The following DNAI1 variants were observed in gnomAD, a reference collection of about 807,000 sequenced individuals.
DNAI1 encodes the protein dynein, axonemal, intermediate polypeptide 1.
DNAI1 carries 67 observed loss-of-function variants against 92.0 expected under a neutral mutation model. The observed-to-expected ratio is 0.73, with a 90% CI of 0.60 to 0.89. The LOEUF is 0.89. Ranked by LOEUF, DNAI1 falls within the 40% of genes least tolerant of loss-of-function variation. The probability of loss-of-function intolerance (pLI) is 0.00; values close to 1 mark genes in which losing one functional copy is unlikely to be tolerated. For missense variants in DNAI1, 839 were observed against 866.6 expected (o/e 0.97, Z 0.40); for synonymous variants, 323 against 319.6 (o/e 1.01, Z -0.11).
At chr9:34,519,934 T>C (rs1371375993) in intron 19 of DNAI1, among the ~76,000 whole-genome samples, 1 of 152,134 alleles carries the variant, frequency 6.6e-6, no homozygotes, top group Admixed American at 6.5e-5. Flanking sequence ...GACCTGTGGG[T>C]GACACACACT....
chr9:34,506,260 G>A (rs774312703), intron 12 of DNAI1, among the ~76,000 whole-genome samples: 1 of 152,168 alleles, frequency 6.6e-6, no homozygotes, highest in Non-Finnish European at 1.5e-5. Context: ...ATGGAAAGCT[G>A]CCTGCCCTTG....
chr9:34,482,944 C>T (rs1013653028), intron 1 of DNAI1, among the ~76,000 whole-genome samples: 1 of 152,230 alleles, frequency 6.6e-6, no homozygotes, highest in Admixed American at 6.5e-5. Flanking sequence ...AGAAATCGAG[C>T]GCAGTGCTGG....
intron 13 of DNAI1, 129 bp downstream of exon 13, chr9:34,507,003 C>T (rs955999218): frequency 1.4e-6 from 2 of 1,399,834 alleles, no homozygotes; most frequent in Non-Finnish European, 1.9e-6. Flanking sequence ...ACCATCAGGT[C>T]AGGATCTGGG....
At chr9:34,484,208 C>G (rs1824428840) in intron 2 of DNAI1, among the ~76,000 whole-genome samples, 1 of 152,100 alleles carries the variant, frequency 6.6e-6, no homozygotes, top group Non-Finnish European at 1.5e-5. Context: ...GAGAAAGACT[C>G]CATCTCAAAT....
At chr9:34,518,121 G>T (rs984828098) in intron 19 of DNAI1, among the ~76,000 whole-genome samples, 1 of 152,204 alleles carries the variant, frequency 6.6e-6, no homozygotes, top group African/African-American at 2.4e-5. Context: ...CCGGGCCTTG[G>T]AATCCTGAGC....
At chr9:34,489,150 T>C (rs1335958456) in intron 4 of DNAI1, 173 bp from the exon 5 acceptor site, 1 of 717,306 alleles carries the variant, frequency 1.4e-6, no homozygotes, top group Non-Finnish European at 2.4e-6. Flanking sequence ...TTCTCTTCCT[T>C]TTCTTCTTTA....
intron 12 of DNAI1, among the ~76,000 whole-genome samples, chr9:34,506,285 C>A (rs1265874396): frequency 2.0e-5 from 3 of 152,180 alleles, no homozygotes; most frequent in Non-Finnish European, 2.9e-5. Context: ...GGCATCCAAA[C>A]CCCCTCTGAG....
chr9:34,495,708 G>A (rs1824708179), intron 9 of DNAI1, among the ~76,000 whole-genome samples: 1 of 152,310 alleles, frequency 6.6e-6, no homozygotes, highest in Admixed American at 6.5e-5. Flanking sequence ...AGAGGACAGA[G>A]TTGGGCCCAT....
In DNAI1 at chr9:34,520,970, C is replaced by T; in HGVS notation, c.*214C>T. 4.8e-6 allele frequency: 3 copies of T among 621,462 alleles called. No homozygotes were observed. The highest frequency in any genetic ancestry group is 8.7e-6 in the Non-Finnish European group (3 of 346,730). The allele number at this position is 621,462 out of a possible 1,614,324, so 38.5% of individuals were successfully genotyped here. On this transcript the variant is annotated 3_prime_UTR_variant, in exon 20 of 20. Coordinates refer to ENST00000242317, the MANE Select transcript of DNAI1 (RefSeq NM_012144.4). Reference sequence around the variant, plus strand: ...CCCCTCTAACTTTGCACAAATAAACCTGTGTAGAAACCCACCCCACACCTT... The same window carrying T: ...CCCCTCTAACTTTGCACAAATAAACTTGTGTAGAAACCCACCCCACACCTT...
intron 13 of DNAI1, among the ~76,000 whole-genome samples, chr9:34,511,478 G>A (rs919339936): frequency 2.6e-5 from 4 of 152,142 alleles, no homozygotes; most frequent in Admixed American, 6.5e-5. Flanking sequence ...GCCTGGAAGA[G>A]GTGGGCAGGA....
At chr9:34,518,444 G>C (rs558452319) in intron 19 of DNAI1, among the ~76,000 whole-genome samples, 1 of 152,296 alleles carries the variant, frequency 6.6e-6, no homozygotes, top group Non-Finnish European at 1.5e-5. Context: ...TGTAATTGTA[G>C]CCAGCTGGGG....
At chr9:34,513,294 G>A (rs539146707) in intron 16 of DNAI1, 103 bp downstream of exon 16, 58 of 941,280 alleles carry the variant, frequency 6.2e-5, no homozygotes, top group African/African-American at 2.9e-4. Flanking sequence ...TTTAGTTCCC[G>A]TCAGTTCTAG....
intron 1 of DNAI1, among the ~76,000 whole-genome samples, chr9:34,465,381 TTGA>T: frequency 6.6e-6 from 1 of 152,208 alleles, no homozygotes; most frequent in Middle Eastern, 3.4e-3. Context: ...ATGGATGCAG[TTGA>T]TGATAATTTT....
At chr9:34,512,968 C>T in intron 15 of DNAI1, 144 bp from the exon 16 acceptor site, 1 of 770,520 alleles carries the variant, frequency 1.3e-6, no homozygotes, top group South Asian at 1.4e-5. Flanking sequence ...TGGTCCCAGC[C>T]CTTACAGGGG....
At chr9:34,498,293 G>A (rs1587077733) in intron 10 of DNAI1, among the ~76,000 whole-genome samples, 2 of 152,242 alleles carry the variant, frequency 1.3e-5, no homozygotes, top group South Asian at 4.1e-4. Flanking sequence ...GCCACACTGT[G>A]AGGTGAATAC....
rs138954776 is a variant in DNAI1 at position 34,506,768 on chromosome 9, G to A, written c.1205G>A (p.Gly402Asp). The change falls in exon 13 of 20, where the codon GGC becomes GAC. Residue 402 changes from glycine to aspartate, a missense_variant. Gly to Asp is a moderately conservative substitution (Grantham distance 94, BLOSUM62 -1). Coordinates refer to ENST00000242317, the MANE Select transcript of DNAI1 (RefSeq NM_012144.4). ...HVDHPYLVAV[G>D]HYDGNVAIYN... ...GACCACCCCTACCTGGTGGCAGTAGGCCACTATGACGGCAACGTGGCCATT... is the reference window on the plus strand; with the variant it reads ...GACCACCCCTACCTGGTGGCAGTAGACCACTATGACGGCAACGTGGCCATT... 6.2e-7 allele frequency: 1 copy of A among 1,614,154 alleles called. No individual in the cohort carries two copies. Among genetic ancestry groups the A allele is most frequent in the African/African-American group, 1.3e-5 (1 of 75,048 alleles).
intron 13 of DNAI1, among the ~76,000 whole-genome samples, chr9:34,508,366 C>A (rs2132078201): frequency 6.6e-6 from 1 of 152,310 alleles, no homozygotes; most frequent in East Asian, 1.9e-4. Context: ...GGAGGCAGCC[C>A]CTCCTGCCAT....
chr9:34,460,934 G>C (rs1823941078), intron 1 of DNAI1, among the ~76,000 whole-genome samples: 1 of 152,072 alleles, frequency 6.6e-6, no homozygotes, highest in South Asian at 2.1e-4. Context: ...TCCGCCTCCT[G>C]GGTTCACGTC....
chr9:34,464,743 GT>G (rs1387967182), intron 1 of DNAI1, among the ~76,000 whole-genome samples: 1 of 152,204 alleles, frequency 6.6e-6, no homozygotes, highest in African/African-American at 2.4e-5. Context: ...CCCTAAAACA[GT>G]GGCCATGATG....
Sources: allele counts gnomAD v4.1 joint callset (sites outside exome capture counted in the v4.1 genomes callset), GRCh38; gene constraint gnomAD v4.1.1; transcripts MANE v1.5; gene names NCBI Gene and HGNC (gene_info 2026-07-23, HGNC 2026-07-21).